The following LRSAM1 variants were observed in gnomAD, a reference collection of about 807,000 sequenced individuals.
The protein encoded by LRSAM1 is E3 ubiquitin-protein ligase LRSAM1.
A neutral mutation model predicts 118.1 loss-of-function variants in LRSAM1; 96 were observed. The ratio of observed to expected loss-of-function variants is 0.81; its 90% CI spans 0.69 to 0.96. LRSAM1 has a LOEUF of 0.96. Among genes scored for constraint, LRSAM1 ranks in the 40% least tolerant of loss-of-function variants. The pLI is 0.00. For synonymous variants in LRSAM1, 322 were observed against 364.2 expected, an observed-to-expected ratio of 0.88 and a Z score of 1.32; for missense variants, 804 against 915.5, an observed-to-expected ratio of 0.88 and a Z score of 1.57.
intron 11 of LRSAM1, 76 bp from the exon 12 acceptor site, chr9:127,478,858 G>C: frequency 6.8e-7 from 1 of 1,479,076 alleles, no homozygotes; most frequent in Non-Finnish European, 9.5e-7. Flanking sequence ...CAGGCCACCC[G>C]GGGGTTCCTG....
chr9:127,461,412 G>A (rs893940344), intron 8 of LRSAM1, among the ~76,000 whole-genome samples, 155 bp downstream of exon 8: 2 of 152,194 alleles, frequency 1.3e-5, no homozygotes, highest in African/African-American at 4.8e-5. Flanking sequence ...TGGGTCAGCT[G>A]TCTTCATGGT....
chr9:127,479,869 G>A lies in LRSAM1; in HGVS notation c.934G>A (p.Glu312Lys), dbSNP rs1835470678. ...GTCCCGGCTGGAGCAGGGCCTGAGT[G>A]AGCACCAGCGCCACCTCAACGCAGA... Reference protein sequence around the residue: ...EQSRLEQGLSEHQRHLNAERQ... With the variant: ...EQSRLEQGLSKHQRHLNAERQ... The change falls in exon 14 of 26, where the codon GAG (glutamate) becomes AAG (lysine). Residue 312 changes from glutamate to lysine, a missense_variant. By Grantham distance (56) the Glu-to-Lys change is moderately conservative. Coordinates refer to ENST00000300417, the MANE Select transcript of LRSAM1 (RefSeq NM_001005373.4). 7 of 1,612,406 alleles carry A rather than the reference G, an allele frequency of 4.3e-6. No homozygotes were observed. In the East Asian group the frequency reaches 1.6e-4, roughly 36 times the overall value.
At chr9:127,501,274 G>T in intron 25 of LRSAM1, 131 bp downstream of exon 25, 1 of 1,239,082 alleles carries the variant, frequency 8.1e-7, no homozygotes, top group South Asian at 1.5e-5. Flanking sequence ...TAGAAAGAAG[G>T]CAGGAAATAA....
At chr9:127,483,059 G>T (rs1397813443) in intron 16 of LRSAM1, 39 bp downstream of exon 16, 1 of 1,590,502 alleles carries the variant, frequency 6.3e-7, no homozygotes, top group South Asian at 1.1e-5. Context: ...CACGCTGCCT[G>T]CTGGCTGGGC....
chr9:127,456,057 C>T lies in LRSAM1; in HGVS notation c.174+437C>T, dbSNP rs147951459. Among the ~76,000 whole-genome samples the T allele has an allele frequency of 2.7e-3, 409 of 151,378 alleles. 3 individuals are homozygous for T. Among genetic ancestry groups the T allele is most frequent in the African/African-American group, 9.2e-3 (381 of 41,190 alleles). ...AACTCACGCCTTTTATTCTGGTCAC[C>T]CAGGGGAGATTCAGAGGGGAGTGAA... On this transcript the variant is annotated intron_variant, in intron 5 of 25. Coordinates refer to ENST00000300417, the MANE Select transcript of LRSAM1 (RefSeq NM_001005373.4).
At chr9:127,492,555 T>A (rs1835969173) in intron 20 of LRSAM1, among the ~76,000 whole-genome samples, 1 of 152,242 alleles carries the variant, frequency 6.6e-6, no homozygotes, top group Non-Finnish European at 1.5e-5. Flanking sequence ...TTTTGTTTGA[T>A]GTTTCTTACC....
chr9:127,480,828 C>T (rs1835509348), intron 14 of LRSAM1, among the ~76,000 whole-genome samples: 1 of 151,980 alleles, frequency 6.6e-6, no homozygotes, highest in Non-Finnish European at 1.5e-5. Context: ...GCTGGGACTA[C>T]AGGCTTGGGC....
At chr9:127,485,588 GT>G (rs1475078465) in intron 16 of LRSAM1, 147 bp from the exon 17 acceptor site, 6 of 746,860 alleles carry the variant, frequency 8.0e-6, no homozygotes, top group South Asian at 2.9e-5. Context: ...GGAACAAAGG[GT>G]TTTTTTTAAG....
In LRSAM1 at chr9:127,465,111, G is replaced by A. The variant is rs952923234; in HGVS notation, c.529-2629G>A. The stretch of plus-strand genomic sequence containing the variant: ...CACCCACCAAACAGCCCACCAGGTC[G>A]GTAACACTGCCTGTTTGGCTATGAG... On this transcript the variant is annotated intron_variant, in intron 9 of 25. Coordinates refer to ENST00000300417, the MANE Select transcript of LRSAM1 (RefSeq NM_001005373.4). The surrounding 1 kb of genome is among the most constrained non-coding windows in gnomAD (Gnocchi z 4.1). Among the ~76,000 whole-genome samples the A allele has an allele frequency of 2.6e-4, 39 of 152,276 alleles. No individual in the cohort carries two copies. Among genetic ancestry groups the A allele is most frequent in the Admixed American group, 1.8e-3 (28 of 15,278 alleles).
chr9:127,489,043 G>A (rs1835832649), intron 18 of LRSAM1, among the ~76,000 whole-genome samples: 1 of 152,172 alleles, frequency 6.6e-6, no homozygotes, highest in Non-Finnish European at 1.5e-5. Context: ...TATCTGTGGA[G>A]CTTGTCTGAG....
rs967659253 is a variant in LRSAM1 at position 127,500,374 on chromosome 9, A to G, written c.1913-636A>G. On this transcript the variant is annotated intron_variant, in intron 24 of 25. Transcript: ENST00000300417. ...AGACTGTCTCAAAAAAAAAAAAAAA[A>G]AGAGACTTAGCATTTTGTAAGGGCT... Among the ~76,000 whole-genome samples, 5 of 150,732 alleles carry G rather than the reference A, an allele frequency of 3.3e-5. No individual in the cohort carries two copies. In the East Asian group the frequency reaches 7.9e-4, roughly 24 times the overall value.
intron 16 of LRSAM1, among the ~76,000 whole-genome samples, chr9:127,484,285 C>CTTTTTTTTTTTTT (rs1301004172): frequency 2.1e-5 from 3 of 141,876 alleles, no homozygotes; most frequent in Non-Finnish European, 4.5e-5. Flanking sequence ...TTTTTTCCTG[C>CTTTTTTTTTTTTT]TTCTTTATTT....
intron 21 of LRSAM1, 102 bp downstream of exon 21, chr9:127,492,999 A>G: frequency 1.0e-6 from 1 of 969,748 alleles, no homozygotes; most frequent in Non-Finnish European, 1.6e-6. Context: ...AGAGTTATTC[A>G]TCAAAGAAAA....
In LRSAM1 at chr9:127,460,790, G is replaced by A. The variant is rs117789527; in HGVS notation, c.322-383G>A. Among the ~76,000 whole-genome samples the A allele has an allele frequency of 3.2e-4, 48 of 152,018 alleles. 1 individual carries two copies. In the East Asian group the frequency reaches 8.7e-3, roughly 28 times the overall value. ...CCTGGCCCGGCAGGGCGAGGGGTGCGGGGGTCATCACTGTGGTCTGTGTGT... is the reference window on the plus strand; with the variant it reads ...CCTGGCCCGGCAGGGCGAGGGGTGCAGGGGTCATCACTGTGGTCTGTGTGT... On this transcript the variant is annotated intron_variant, in intron 7 of 25. Transcript: ENST00000300417.
chr9:127,477,465 G>C (rs1201193565), intron 11 of LRSAM1, among the ~76,000 whole-genome samples: 2 of 152,192 alleles, frequency 1.3e-5, no homozygotes, highest in Non-Finnish European at 2.9e-5. Context: ...AAAAATACCT[G>C]TGTGCCAGGC....
At position 127,497,187 on chromosome 9, in the gene LRSAM1, C is replaced by T. The variant is rs137858765; in HGVS notation, c.1831-66C>T. ...GTCCTGTGAGCCTGGGCCTGTGCCACGTGGCTCACACCATTTAGCGGGCTC... is the reference window on the plus strand; with the variant it reads ...GTCCTGTGAGCCTGGGCCTGTGCCATGTGGCTCACACCATTTAGCGGGCTC... On this transcript the variant is annotated intron_variant, in intron 23 of 25. Coordinates refer to ENST00000300417, the MANE Select transcript of LRSAM1 (RefSeq NM_001005373.4). 1.4e-3 allele frequency: 2,166 copies of T among 1,532,828 alleles called. 30 individuals carry two copies. The African/African-American group carries it at 0.026, about 18-fold the overall frequency. The allele number at this position is 1,532,828 out of a possible 1,614,324, so 95.0% of individuals were successfully genotyped here.
intron 16 of LRSAM1, among the ~76,000 whole-genome samples, chr9:127,483,652 A>G: frequency 6.6e-6 from 1 of 152,118 alleles, no homozygotes; most frequent in South Asian, 2.1e-4. Context: ...TTACCATCTT[A>G]ATCACTTTAT....
chr9:127,484,105 G>A (rs1382279234), intron 16 of LRSAM1, among the ~76,000 whole-genome samples: 1 of 151,802 alleles, frequency 6.6e-6, no homozygotes, highest in African/African-American at 2.4e-5. Context: ...TCAGCCCCTG[G>A]GAATCAACAT....
At chr9:127,461,094 T>G in intron 7 of LRSAM1, 79 bp from the exon 8 acceptor site, 1 of 1,069,654 alleles carries the variant, frequency 9.3e-7, no homozygotes, top group Non-Finnish European at 1.4e-6. Flanking sequence ...GACCTTGTGA[T>G]CCACCTGCCT....
Sources: allele counts gnomAD v4.1 joint callset (sites outside exome capture counted in the v4.1 genomes callset), GRCh38; gene constraint gnomAD v4.1.1; non-coding constraint Gnocchi (gnomAD v3.1); transcripts MANE v1.5; gene names NCBI Gene and HGNC (gene_info 2026-07-23, HGNC 2026-07-21).